The following TAF6 variants were observed in gnomAD, a reference collection of about 807,000 sequenced individuals.
The protein encoded by TAF6 is transcription initiation factor TFIID subunit 6.
A neutral mutation model predicts 73.5 loss-of-function variants in TAF6; 50 were observed. The observed-to-expected ratio is 0.68, with a 90% CI of 0.54 to 0.86. TAF6 has a LOEUF of 0.86. Among genes scored for constraint, TAF6 ranks in the 40% least tolerant of loss-of-function variants. The probability of loss-of-function intolerance (pLI) is 0.00; values close to 1 mark genes in which losing one functional copy is unlikely to be tolerated. For missense variants in TAF6, 768 were observed against 899.5 expected, an observed-to-expected ratio of 0.85 and a Z score of 1.87; for synonymous variants, 424 against 376.7, an observed-to-expected ratio of 1.13 and a Z score of -1.45.
chr7:100,125,859 C>T, the TAF6 span, among the ~76,000 whole-genome samples: 60 of 152,198 alleles, frequency 3.9e-4, no homozygotes, highest in Admixed American at 3.9e-3. Flanking sequence ...GCCTGGCCAA[C>T]ATGGAGAAAC....
chr7:100,121,494 C>T (rs1452219514), upstream of TAF6: 1 of 151,318 alleles, frequency 6.6e-6, no homozygotes, highest in Non-Finnish European at 1.5e-5. Flanking sequence ...GTTGCCTGGG[C>T]TGGGGTGCAG....
intron 14 of TAF6, 88 bp from the exon 15 acceptor site, chr7:100,107,711 T>G: frequency 6.5e-7 from 1 of 1,532,202 alleles, no homozygotes; most frequent in Non-Finnish European, 8.8e-7. Context: ...GCTCCCTGCC[T>G]GAACAAGTTG....
chr7:100,119,047 G>C (rs1009869999), intron 1 of TAF6, 157 bp downstream of exon 1: 2 of 985,610 alleles, frequency 2.0e-6, no homozygotes, highest in African/African-American at 3.5e-5. Flanking sequence ...AGGCGTCCCA[G>C]GGAAGGGTTA....
rs371334205 is a variant in TAF6 at position 100,107,640 on chromosome 7, G to T, written c.1657-17C>A. ...GGACAGGACCTGGATAGAAAGGAAA[G>T]GCAGGCCGCTTGCCCTGTGCCCTCC... is the stretch of plus-strand genomic sequence containing the variant. On this transcript the variant is annotated splice_polypyrimidine_tract_variant and intron_variant, in intron 14 of 14. Coordinates refer to ENST00000453269, the MANE Select transcript of TAF6 (RefSeq NM_139315.3). 14 of 1,608,494 alleles carry T rather than the reference G, an allele frequency of 8.7e-6. No individual in the cohort carries two copies. Among genetic ancestry groups the T allele is most frequent in the Non-Finnish European group, 1.2e-5 (14 of 1,178,234 alleles).
intron 1 of TAF6, chr7:100,118,865 C>T: frequency 1.0e-6 from 1 of 985,344 alleles, no homozygotes; most frequent in Non-Finnish European, 1.2e-6. Flanking sequence ...GGGAACACAA[C>T]TATTCGAGAC....
Position 100,108,397 on chromosome 7 carries a change from C to G in TAF6, c.1428G>C (p.Gln476His). Residue 476 changes from glutamine to histidine, a missense_variant, in exon 13 of 15, where the codon CAG (glutamine) becomes CAC (histidine). Coordinates refer to ENST00000453269, the MANE Select transcript of TAF6 (RefSeq NM_139315.3). ...ARAQAALQAQ[Q>H]VNRTTLTITQ... is the part of the protein sequence containing the mutation. ...TGATGGTCAGAGTGGTCCTGTTGAC[C>G]TGCTGAGCCTGCAGAGCAGCCTGGG... 6.2e-7 allele frequency: 1 copy of G among 1,612,022 alleles called. No homozygotes were observed. The highest frequency in any genetic ancestry group is 2.2e-5 in the East Asian group (1 of 44,814).
intron 4 of TAF6, 25 bp downstream of exon 4, chr7:100,113,591 C>T (rs1439260803): frequency 1.2e-6 from 2 of 1,611,386 alleles, no homozygotes; most frequent in Non-Finnish European, 1.7e-6. Context: ...CTCCTCCCTG[C>T]CACCCTGCTC....
upstream of TAF6, chr7:100,122,251 C>T: frequency 1.9e-6 from 3 of 1,613,874 alleles, no homozygotes; most frequent in Non-Finnish European, 8.5e-7. Context: ...GTTTCTCCTC[C>T]CCACCAGTGT....
intron 4 of TAF6, 100 bp from the exon 5 acceptor site, chr7:100,113,505 C>A: frequency 6.5e-7 from 1 of 1,536,776 alleles, no homozygotes; most frequent in South Asian, 1.2e-5. Context: ...CCCCTTGCAA[C>A]TCACCAGGGA....
Position 100,112,258 on chromosome 7 carries a change from G to A in TAF6, c.575-5C>T, listed in dbSNP as rs1304002040. 3 of 1,610,656 alleles carry A rather than the reference G, an allele frequency of 1.9e-6. No homozygotes were observed. The highest frequency in any genetic ancestry group is 2.2e-5 in the East Asian group (1 of 44,874). On this transcript the variant is annotated splice_region_variant and splice_polypyrimidine_tract_variant and intron_variant, in intron 6 of 14. Coordinates refer to ENST00000453269, the MANE Select transcript of TAF6 (RefSeq NM_139315.3). Reference sequence around the variant, plus strand: ...GCGGCGCCTTCTTCTCTTTCCCTGTGTGATTGGAAAGGTGGGTCTGACAAA... The same window carrying A: ...GCGGCGCCTTCTTCTCTTTCCCTGTATGATTGGAAAGGTGGGTCTGACAAA...
intron 12 of TAF6, 36 bp from the exon 13 acceptor site, chr7:100,108,576 C>T: frequency 6.4e-7 from 1 of 1,562,522 alleles, no homozygotes; most frequent in Non-Finnish European, 8.7e-7. Context: ...AGAGGGAGGG[C>T]TGGGGAAAAA....
upstream of TAF6, chr7:100,120,179 C>T (rs1029018515): frequency 4.3e-6 from 1 of 231,896 alleles, no homozygotes; most frequent in South Asian, 7.1e-5. Flanking sequence ...GTGTTTACCT[C>T]ATGTCACCAG....
intron 1 of TAF6, among the ~76,000 whole-genome samples, chr7:100,118,144 G>C (rs1345302929): frequency 6.6e-6 from 1 of 152,026 alleles, no homozygotes; most frequent in Non-Finnish European, 1.5e-5. Flanking sequence ...CTGAGGTTAG[G>C]AGTTCGAGAC....
chr7:100,112,020 G>A (rs1797227828), intron 7 of TAF6, 21 bp from the exon 8 acceptor site: 1 of 1,613,742 alleles, frequency 6.2e-7, no homozygotes, highest in South Asian at 1.1e-5. Flanking sequence ...AGGGAAGCCA[G>A]TCAGGTGGGG....
chr7:100,124,820 G>A (rs762462204), upstream of TAF6: 87 of 1,613,190 alleles, frequency 5.4e-5, no homozygotes, highest in South Asian at 8.7e-4. Context: ...GGAAGAGGAG[G>A]AAGAGGAAGG....
Position 100,113,564 on chromosome 7 carries a change from C to T in TAF6, c.397+52G>A, listed in dbSNP as rs556900012. On this transcript the variant is annotated intron_variant, in intron 4 of 14. Transcript: ENST00000453269. The stretch of plus-strand genomic sequence containing the variant: ...TTGTGAGGCTCCTCACACCTACACA[C>T]ATCTGTCCTCCTTTCCCTCCTCCCT... 214 of 1,602,222 alleles carry T rather than the reference C, an allele frequency of 1.3e-4. No individual in the cohort carries two copies. In the African/African-American group the frequency reaches 2.8e-3, roughly 21 times the overall value.
Position 100,111,933 on chromosome 7 carries a change from T to TA in TAF6, c.786dup (p.Ile263TyrfsTer41). On this transcript the variant is annotated frameshift_variant, in exon 8 of 15. Coordinates refer to ENST00000453269, the MANE Select transcript of TAF6 (RefSeq NM_139315.3). LOFTEE classifies it high-confidence loss of function. ...CCTCATGCTCTCACCCCCTCCGAGA[T>TA]AAAGGTACTGAACCGTGGCAGCATC... 1 of 1,613,554 alleles carries TA rather than the reference T, an allele frequency of 6.2e-7. No homozygotes were observed.
Position 100,108,012 on chromosome 7 carries a change from G to A in TAF6, c.1570C>T (p.Arg524Ter), listed in dbSNP as rs764406707. The A allele has an allele frequency of 5.0e-6, 8 of 1,613,820 alleles. No homozygotes were observed. Among genetic ancestry groups the A allele is most frequent in the East Asian group, 2.2e-5 (1 of 44,876 alleles). ...GAAGGCTGTGGTGGGGCAGCCGCTC[G>A]TGCAGACACCAGTGTCTGGACAGGA... ...ALPVQTLVSA[R>*]AAAPPQPSPP... Residue 524 changes from arginine (R) to a stop codon, truncating the protein, a stop_gained, in exon 14 of 15, where the codon CGA (arginine) becomes TGA (stop). Coordinates refer to ENST00000453269, the MANE Select transcript of TAF6 (RefSeq NM_139315.3). LOFTEE classifies it high-confidence loss of function.
the TAF6 span, among the ~76,000 whole-genome samples, chr7:100,126,186 A>T: frequency 6.7e-6 from 1 of 148,786 alleles, no homozygotes; most frequent in Non-Finnish European, 1.5e-5. Flanking sequence ...ACTCCGTCTC[A>T]AAAAAAAAAG....
Sources: allele counts gnomAD v4.1 joint callset (sites outside exome capture counted in the v4.1 genomes callset), GRCh38; gene constraint gnomAD v4.1.1; transcripts MANE v1.5; gene names NCBI Gene and HGNC (gene_info 2026-07-23, HGNC 2026-07-21).